Variants in HOMER2 observed in about 807,000 individuals in gnomAD.
HOMER2 encodes homer scaffold protein 2, also known as homer protein homolog 2.
In HOMER2, 27 loss-of-function variants were observed where a neutral mutation model predicts 47.0. The observed-to-expected ratio is 0.57, with a 90% CI of 0.42 to 0.79. HOMER2 has a LOEUF of 0.79. Ranked by LOEUF, HOMER2 falls within the 30% of genes least tolerant of loss-of-function variation. HOMER2 has a pLI of 0.00. For missense variants in HOMER2, 443 were observed against 435.0 expected, an observed-to-expected ratio of 1.02 and a Z score of -0.16; for synonymous variants, 161 against 163.8, an observed-to-expected ratio of 0.98 and a Z score of 0.13.
intron 1 of HOMER2, among the ~76,000 whole-genome samples, chr15:82,938,458 T>C (rs1244082694): frequency 6.6e-6 from 1 of 152,178 alleles, no homozygotes; most frequent in African/African-American, 2.4e-5. Context: ...ACCTGCACCT[T>C]GCCTGGTCTC....
At chr15:82,985,955 T>C (rs2030583646), upstream of HOMER2, 1 of 545,614 alleles carries the variant, frequency 1.8e-6, no homozygotes, top group Non-Finnish European at 2.3e-6. Context: ...CTTCCGTCTC[T>C]ACCCGTCACC....
chr15:82,880,097 G>C (rs985422631), intron 2 of HOMER2, among the ~76,000 whole-genome samples: 1 of 152,100 alleles, frequency 6.6e-6, no homozygotes, highest in African/African-American at 2.4e-5. Context: ...TTTAGGGCAG[G>C]GGTCAGCAAA....
exon 2 of HOMER2, chr15:82,839,339 T>C (rs889734909): frequency 7.2e-5 from 11 of 152,188 alleles, no homozygotes; most frequent in African/African-American, 2.7e-4. Context: ...ACCAGAAACA[T>C]TGGCACACTC....
At chr15:82,852,085 C>T in intron 7 of HOMER2, 57 bp downstream of exon 7, 1 of 1,219,958 alleles carries the variant, frequency 8.2e-7, no homozygotes. Context: ...CTGCTGTGTG[C>T]CACCCCGCAA....
rs79958469 is a variant in HOMER2, at chr15:82,849,543, G to A, written c.*172C>T. 3,513 of 606,058 alleles carry A rather than the reference G, an allele frequency of 5.8e-3. 49 individuals are homozygous for A. The highest frequency in any genetic ancestry group is 0.017 in the South Asian group (790 of 46,588). 37.5% of individuals were successfully genotyped at this position (606,058 alleles called of 1,614,324 possible). A position where few individuals can be genotyped will look rare whatever the true frequency, so the allele number is the denominator to read the frequency against. ...CACAACCTCACAAGGCCAGAGAAGC[G>A]AGAGGAGATTTCTATTCTGAAAAGG... On this transcript the variant is annotated 3_prime_UTR_variant, in exon 9 of 9. Transcript: ENST00000450735.
At chr15:82,927,382 G>C (rs142825293) in intron 1 of HOMER2, among the ~76,000 whole-genome samples, 1 of 152,168 alleles carries the variant, frequency 6.6e-6, no homozygotes, top group Non-Finnish European at 1.5e-5. Context: ...AATACTCACT[G>C]AATGAGTGAA....
At chr15:82,860,286 C>G (rs2051733505) in intron 4 of HOMER2, among the ~76,000 whole-genome samples, 1 of 152,072 alleles carries the variant, frequency 6.6e-6, no homozygotes, top group Non-Finnish European at 1.5e-5. Flanking sequence ...TATTGACAAG[C>G]TCTTAGAGTC....
chr15:82,963,971 C>A (rs535451500), intron 1 of HOMER2, among the ~76,000 whole-genome samples: 1 of 152,166 alleles, frequency 6.6e-6, no homozygotes, highest in South Asian at 2.1e-4. Context: ...TGAGCACTGA[C>A]GATGAGATGT....
chr15:82,915,859 C>T (rs773069058), intron 1 of HOMER2, among the ~76,000 whole-genome samples: 18 of 152,128 alleles, frequency 1.2e-4, no homozygotes, highest in Admixed American at 2.0e-4. Flanking sequence ...AAACTAAATG[C>T]CCCAAAGTTG....
chr15:82,836,623 T>C (rs993579986), downstream of HOMER2, among the ~76,000 whole-genome samples: 1 of 152,246 alleles, frequency 6.6e-6, no homozygotes, highest in Non-Finnish European at 1.5e-5. Context: ...CTTGGGAGTC[T>C]GGTACAAAGG....
chr15:82,918,121 C>T (rs1311057732), intron 1 of HOMER2, among the ~76,000 whole-genome samples: 6 of 152,172 alleles, frequency 3.9e-5, no homozygotes, highest in African/African-American at 1.4e-4. Context: ...CCGCATTACA[C>T]ACTCATCAAA....
chr15:82,893,014 GAGT>G (rs2052769048), intron 1 of HOMER2, among the ~76,000 whole-genome samples, 173 bp from the exon 2 acceptor site: 1 of 152,146 alleles, frequency 6.6e-6, no homozygotes, highest in African/African-American at 2.4e-5. Flanking sequence ...AGACACCAGT[GAGT>G]AGTTTTTGCA....
At chr15:82,942,883 G>C (rs1335521950) in intron 1 of HOMER2, among the ~76,000 whole-genome samples, 1 of 152,182 alleles carries the variant, frequency 6.6e-6, no homozygotes, top group Non-Finnish European at 1.5e-5. Context: ...GCCTCGGATT[G>C]CCTGAGTCAC....
At chr15:82,918,947 C>T (rs550908384) in intron 1 of HOMER2, among the ~76,000 whole-genome samples, 16 of 152,296 alleles carry the variant, frequency 1.1e-4, no homozygotes, top group African/African-American at 3.8e-4. Flanking sequence ...TCACAGATTT[C>T]CAGAAGGTGT....
At chr15:82,871,659 A>C (rs1407033663) in intron 3 of HOMER2, among the ~76,000 whole-genome samples, 1 of 152,094 alleles carries the variant, frequency 6.6e-6, no homozygotes, top group Non-Finnish European at 1.5e-5. Context: ...ACCGAGCAGA[A>C]CTCCAGCACT....
chr15:82,928,552 CT>C (rs1375290842), intron 1 of HOMER2, among the ~76,000 whole-genome samples: 2 of 152,112 alleles, frequency 1.3e-5, no homozygotes, highest in African/African-American at 4.8e-5. Context: ...GCAATAAATA[CT>C]TAACAAGATC....
At chr15:82,970,511 C>G (rs2029949566) in intron 1 of HOMER2, among the ~76,000 whole-genome samples, 1 of 152,190 alleles carries the variant, frequency 6.6e-6, no homozygotes, top group Non-Finnish European at 1.5e-5. Context: ...ATCCTTACTT[C>G]CCATACAACT....
chr15:82,859,326 C>T (rs2051698148), intron 4 of HOMER2, 191 bp from the exon 5 acceptor site: 1 of 723,406 alleles, frequency 1.4e-6, no homozygotes, highest in Admixed American at 2.8e-5. Flanking sequence ...AACAAACAAA[C>T]AAACAAAAAA....
At chr15:82,893,418 C>T (rs1157851220) in intron 1 of HOMER2, among the ~76,000 whole-genome samples, 2 of 148,410 alleles carry the variant, frequency 1.3e-5, no homozygotes, top group East Asian at 2.0e-4. Context: ...CTGCAATCTC[C>T]GCCTCCCGGG....
Sources: allele counts gnomAD v4.1 joint callset (sites outside exome capture counted in the v4.1 genomes callset), GRCh38; gene constraint gnomAD v4.1.1; transcripts MANE v1.5; gene names NCBI Gene and HGNC (gene_info 2026-07-23, HGNC 2026-07-21).